FGD4: variants seen among roughly 807,000 people sequenced by gnomAD.
FGD4 encodes the protein FYVE, RhoGEF and PH domain-containing protein 4.
In FGD4, 42 loss-of-function variants were observed where a neutral mutation model predicts 102.0. That is an observed-to-expected ratio of 0.41 (90% CI 0.32 to 0.53). The LOEUF (loss-of-function observed/expected upper bound fraction) is 0.53, where lower values mean the gene tolerates loss of function less well. Among genes scored for constraint, FGD4 ranks in the 20% least tolerant of loss-of-function variants. The pLI is 0.21. For synonymous variants in FGD4, 380 were observed against 375.7 expected (o/e 1.01, Z -0.13); for missense variants, 902 against 1,078.2 (o/e 0.84, Z 2.29).
In FGD4 at chr12:32,601,315, G is replaced by C. The variant is rs963859782; in HGVS notation, c.1139G>C (p.Gly380Ala). The C allele has an allele frequency of 6.2e-7, 1 of 1,614,092 alleles. No individual in the cohort carries two copies. The highest frequency in any genetic ancestry group is 2.2e-5 in the East Asian group (1 of 44,868). ...AAACTGTTGGAAGAAGCAAACCGAGGCTCGTTTCCAGCAGAGATGGTGAAT... is the reference window on the plus strand; with the variant it reads ...AAACTGTTGGAAGAAGCAAACCGAGCCTCGTTTCCAGCAGAGATGGTGAAT... Reference protein sequence around the residue: ...YCKLLEEANRGSFPAEMVNKI... With the variant: ...YCKLLEEANRASFPAEMVNKI... Residue 380 changes from glycine (G) to alanine (A), a missense_variant, in exon 6 of 17, where the codon GGC becomes GCC. Transcript: ENST00000534526.
intron 1 of FGD4, among the ~76,000 whole-genome samples, chr12:32,411,617 T>C (rs943732141): frequency 2.0e-5 from 3 of 152,064 alleles, no homozygotes; most frequent in East Asian, 3.9e-4. Context: ...ATACCCCAAA[T>C]TGAAGAATAC....
Position 32,544,560 on chromosome 12 carries a change from C to T in FGD4, c.167-19577C>T, listed in dbSNP as rs1231235592. Among the ~76,000 whole-genome samples, 1 of 150,612 alleles carries T rather than the reference C, an allele frequency of 6.6e-6. No homozygotes were observed. The highest frequency in any genetic ancestry group is 2.4e-5 in the African/African-American group (1 of 40,928). ...CAGCCTGGTCAGTATGGTGAAATCC[C>T]GTCTCTACAAAAAAATACAAAAATG... On this transcript the variant is annotated intron_variant, in intron 1 of 16. Transcript: ENST00000534526. The surrounding 1 kb of genome is among the most constrained non-coding windows in gnomAD (Gnocchi z 4.1).
At chr12:32,600,308 C>T in intron 5 of FGD4, 1 of 338,318 alleles carries the variant, frequency 3.0e-6, no homozygotes, top group Non-Finnish European at 5.3e-6. Context: ...ACTCGTCAGC[C>T]ACTGCTGCTG....
chr12:32,405,497 G>C (rs899567603), intron 1 of FGD4, among the ~76,000 whole-genome samples: 7 of 151,810 alleles, frequency 4.6e-5, no homozygotes, highest in African/African-American at 1.7e-4. Flanking sequence ...GACCTCAGGT[G>C]ATCCACCCGC....
intron 1 of FGD4, chr12:32,486,055 T>C: frequency 6.7e-7 from 1 of 1,498,902 alleles, no homozygotes; most frequent in Non-Finnish European, 8.8e-7. Flanking sequence ...TACCAACAAA[T>C]TATGGATCCA....
intron 1 of FGD4, among the ~76,000 whole-genome samples, chr12:32,470,010 AC>A (rs1232965346): frequency 2.0e-5 from 3 of 152,010 alleles, no homozygotes; most frequent in Admixed American, 2.0e-4. Flanking sequence ...TTATTTAAAA[AC>A]TTTTTTTTCC....
intron 4 of FGD4, among the ~76,000 whole-genome samples, chr12:32,585,834 CAAAAAAAAAAAAA>C (rs58688697): frequency 5.8e-5 from 4 of 68,802 alleles, no homozygotes; most frequent in South Asian, 5.3e-4. Context: ...GACCTTGTCT[CAAAAAAAAAAAAA>C]AAAAAAAAAA....
chr12:32,549,770 C>T (rs566170111), intron 1 of FGD4, among the ~76,000 whole-genome samples: 2 of 152,280 alleles, frequency 1.3e-5, no homozygotes, highest in African/African-American at 4.8e-5. Flanking sequence ...CTCACTGGCT[C>T]CTGAAATCCT....
At chr12:32,507,260 T>C (rs1041354500) in intron 1 of FGD4, among the ~76,000 whole-genome samples, 8 of 152,066 alleles carry the variant, frequency 5.3e-5, no homozygotes, top group South Asian at 4.2e-4. Context: ...GACATGAACT[T>C]GTCATTTTTT....
rs1444133919 is a variant in FGD4 at position 32,582,546 on chromosome 12, C to T, written c.1011+79C>T. On this transcript the variant is annotated intron_variant, in intron 4 of 16. Transcript: ENST00000534526. ...GTCTTAAAACTCTTTATTTATTGCA[C>T]CCCTGAAATGTATGAATCAGATCAC... is the stretch of plus-strand genomic sequence containing the variant. 3.2e-6 allele frequency: 5 copies of T among 1,561,120 alleles called. No homozygotes were observed. The East Asian group carries it at 6.8e-5, about 21-fold the overall frequency.
chr12:32,590,937 T>C (rs1947422643), intron 4 of FGD4, among the ~76,000 whole-genome samples: 1 of 152,220 alleles, frequency 6.6e-6, no homozygotes, highest in African/African-American at 2.4e-5. Flanking sequence ...TATGTGACAT[T>C]CAAATGTCCT....
intron 2 of FGD4, among the ~76,000 whole-genome samples, chr12:32,570,038 C>T (rs1945512872): frequency 6.6e-6 from 1 of 151,810 alleles, no homozygotes; most frequent in African/African-American, 2.4e-5. Context: ...GTCAGGAGTT[C>T]GAGACCAGCC....
At chr12:32,421,723 G>T (rs144111188) in intron 1 of FGD4, among the ~76,000 whole-genome samples, 2 of 152,154 alleles carry the variant, frequency 1.3e-5, no homozygotes, top group Admixed American at 1.3e-4. Flanking sequence ...CACATATGTG[G>T]TGCTGTCTCT....
chr12:32,502,994 T>G (rs1938361065), intron 1 of FGD4, among the ~76,000 whole-genome samples: 1 of 152,220 alleles, frequency 6.6e-6, no homozygotes. Context: ...AAATGTGTGT[T>G]GCATATTGTG....
At chr12:32,529,371 C>T (rs548012046) in intron 1 of FGD4, among the ~76,000 whole-genome samples, 4 of 151,856 alleles carry the variant, frequency 2.6e-5, no homozygotes, top group East Asian at 3.9e-4. Flanking sequence ...GTGATCCACC[C>T]GCCTCAGCCT....
intron 1 of FGD4, among the ~76,000 whole-genome samples, chr12:32,558,930 C>G (rs1944325410): frequency 6.6e-6 from 1 of 152,198 alleles, no homozygotes; most frequent in Non-Finnish European, 1.5e-5. Context: ...ATGACCAGTC[C>G]TCAAGAGGAG....
At chr12:32,635,575 G>C (rs765289222) in intron 15 of FGD4, among the ~76,000 whole-genome samples, 1 of 152,106 alleles carries the variant, frequency 6.6e-6, no homozygotes, top group Admixed American at 6.5e-5. Context: ...ACACTTTCCT[G>C]TAAAGAGTCA....
At chr12:32,589,580 A>G (rs187558205) in intron 4 of FGD4, among the ~76,000 whole-genome samples, 18 of 152,330 alleles carry the variant, frequency 1.2e-4, no homozygotes, top group African/African-American at 4.3e-4. Flanking sequence ...TTTAATTTCT[A>G]TAAAACTCAA....
At chr12:32,580,653 C>T (rs773292035) in intron 3 of FGD4, among the ~76,000 whole-genome samples, 3 of 151,974 alleles carry the variant, frequency 2.0e-5, no homozygotes, top group Admixed American at 6.6e-5. Context: ...TTTGGGAGGC[C>T]GAGGCGGGCA....
Sources: gnomAD v4.1 joint callset for allele counts (sites outside exome capture counted in the v4.1 genomes callset) on GRCh38, gnomAD v4.1.1 for gene constraint, Gnocchi (gnomAD v3.1) non-coding constraint, MANE v1.5 for transcripts, NCBI Gene and HGNC (gene_info 2026-07-23, HGNC 2026-07-21) for gene names.